The following PCDHB8 variants were observed in gnomAD, a reference collection of about 807,000 sequenced individuals.
The protein encoded by PCDHB8 is protocadherin beta 8, also known as protocadherin beta-8.
For missense variants in PCDHB8, 836 were observed against 1,004.0 expected (o/e 0.83, Z 2.26); for synonymous variants, 385 against 448.5 (o/e 0.86, Z 1.79).
In PCDHB8 at chr5:141,178,688, T is replaced by A. The variant is rs1554280990; in HGVS notation, c.654T>A (p.Gly218=). The A allele has an allele frequency of 3.1e-6, 5 of 1,608,398 alleles. No individual in the cohort carries two copies. The African/African-American group carries it at 6.7e-5, about 22-fold the overall frequency. The change falls in exon 1 of 1, where the codon GGT becomes GGA. Residue 218 remains glycine, a synonymous_variant. Coordinates refer to ENST00000239444, the MANE Select transcript of PCDHB8 (RefSeq NM_019120.5). ...GGTTAACACTCACAGCACTGGATGG[T>A]GGCTCTCCGCCCAGATCTGGCACTG... ...ELRLTLTALD[G]GSPPRSGTAQ...
In PCDHB8 at chr5:141,180,065, T is replaced by G. The variant is rs782154872; in HGVS notation, c.2031T>G (p.Ala677=). 21 of 1,609,820 alleles carry G rather than the reference T, an allele frequency of 1.3e-5. No homozygotes were observed. In the Admixed American group the frequency reaches 2.0e-4, roughly 15 times the overall value. The change falls in exon 1 of 1, where the codon GCT becomes GCG. Residue 677 remains alanine, a synonymous_variant. Coordinates refer to ENST00000239444, the MANE Select transcript of PCDHB8 (RefSeq NM_019120.5). ...AGCCCTACCTGCCGCTTCCGGAGGC[T>G]GCCCCAGCCCAGGGCCAGGCCGACT... The part of the protein sequence containing the change: ...FSQPYLPLPE[A]APAQGQADSL...
chr5:141,179,153 C>A lies in PCDHB8; in HGVS notation c.1119C>A (p.Asp373Glu), dbSNP rs782431764. ...TGGTTGCACTTTTCAGTGTTTCAGA[C>A]CTTGATTCAGGAGAAAATGGGAAAA... is the stretch of plus-strand genomic sequence containing the variant. ...ETVVALFSVS[D>E]LDSGENGKIS... The change falls in exon 1 of 1, where the codon GAC (aspartate) becomes GAA (glutamate). Residue 373 changes from aspartate to glutamate, a missense_variant. Coordinates refer to ENST00000239444, the MANE Select transcript of PCDHB8 (RefSeq NM_019120.5). 1 of 1,614,034 alleles carries A rather than the reference C, an allele frequency of 6.2e-7. No homozygotes were observed. Among genetic ancestry groups the A allele is most frequent in the Admixed American group, 1.7e-5 (1 of 59,996 alleles).
At position 141,177,995 on chromosome 5, in the gene PCDHB8, A is replaced by G. The variant is rs782499684; in HGVS notation, c.-40A>G. 1.9e-6 allele frequency: 3 copies of G among 1,613,732 alleles called. No individual in the cohort carries two copies. In the African/African-American group the frequency reaches 4.0e-5, roughly 22 times the overall value. On this transcript the variant is annotated 5_prime_UTR_variant, in exon 1 of 1. Coordinates refer to ENST00000239444, the MANE Select transcript of PCDHB8 (RefSeq NM_019120.5). Reference sequence around the variant, plus strand: ...CAGATACTGGGGACTTTACAGTCCCACAGAACCGTCCTCCCAGGAAGCTGA... The same window carrying G: ...CAGATACTGGGGACTTTACAGTCCCGCAGAACCGTCCTCCCAGGAAGCTGA...
rs17844502 is a variant in PCDHB8 at position 141,179,942 on chromosome 5, G to T, written c.1908G>T (p.Ala636=). Residue 636 remains alanine (A), a synonymous_variant, in exon 1 of 1, where the codon GCG becomes GCT. Transcript: ENST00000239444. ...CCAGGCTGCTGAGCGAGCGCGACGC[G>T]GCCAAGCAGAGGCTGGTGGTGCTGG... is the stretch of plus-strand genomic sequence containing the variant. ...RTARLLSERD[A]AKQRLVVLVK... is the part of the protein sequence containing the mutation. 23 of 1,557,548 alleles carry T rather than the reference G, an allele frequency of 1.5e-5. No homozygotes were observed. The highest frequency in any genetic ancestry group is 5.4e-5 in the African/African-American group (4 of 74,256).
chr5:141,179,378 C>A lies in PCDHB8; in HGVS notation c.1344C>A (p.Asn448Lys). Residue 448 changes from asparagine (N) to lysine (K), a missense_variant, in exon 1 of 1, where the codon AAC (asparagine) becomes AAA (lysine). Physicochemically the swap from Asn to Lys is moderately conservative, Grantham distance 94 (BLOSUM62 0). Transcript: ENST00000239444. ...TGCTGGTGTCGGACGTCAATGACAA[C>A]GCCCCCGCCTTCACCCAAACCTCCT... ...MTVLVSDVND[N>K]APAFTQTSYT... The A allele has an allele frequency of 6.2e-7, 1 of 1,614,228 alleles. No homozygotes were observed. Among genetic ancestry groups the A allele is most frequent in the African/African-American group, 1.3e-5 (1 of 75,042 alleles).
Position 141,180,412 on chromosome 5 carries a change from GC to G in PCDHB8, c.2379del (p.Phe794LeufsTer7), listed in dbSNP as rs781861006. ...GAACAAAACTCTAACTTTAGGAATG[GC>G]TTTGGTTTCAGCCTTCAGTTAAAGT... ...EMEQNSNFRN[G>X]FGFSLQLK On this transcript the variant is annotated frameshift_variant, in exon 1 of 1. Transcript: ENST00000239444. LOFTEE classifies it low-confidence loss of function (END_TRUNC). 1.6e-5 allele frequency: 26 copies of G among 1,596,718 alleles called. No individual in the cohort carries two copies. The Admixed American group carries it at 2.4e-4, about 15-fold the overall frequency.
rs782578423 is a variant in PCDHB8 at position 141,179,344 on chromosome 5, A to T, written c.1310A>T (p.Asn437Ile). 5.6e-6 allele frequency: 9 copies of T among 1,614,214 alleles called. No homozygotes were observed. The South Asian group carries it at 9.9e-5, about 18-fold the overall frequency. The change falls in exon 1 of 1, where the codon AAT becomes ATT. Residue 437 changes from asparagine to isoleucine, a missense_variant. Physicochemically the swap from Asn to Ile is moderately radical, Grantham distance 149. Transcript: ENST00000239444. ...LGTPRLTTHL[N>I]MTVLVSDVND... is the part of the protein sequence containing the mutation. Reference sequence around the variant, plus strand: ...ACACCCAGGCTGACAACACATCTCAATATGACCGTGCTGGTGTCGGACGTC... The same window carrying T: ...ACACCCAGGCTGACAACACATCTCATTATGACCGTGCTGGTGTCGGACGTC...
chr5:141,178,673 CA>C lies in PCDHB8; in HGVS notation c.640del (p.Thr214GlnfsTer45), dbSNP rs781946441. 3 of 1,610,778 alleles carry C rather than the reference CA, an allele frequency of 1.9e-6. No homozygotes were observed. The highest frequency in any genetic ancestry group is 2.5e-6 in the Non-Finnish European group (3 of 1,178,426). ...EEEAELRLTL[T>X]ALDGGSPPRS... ...AAGAAGCTGAGCTCAGGTTAACACT[CA>C]CAGCACTGGATGGTGGCTCTCCGCC... On this transcript the variant is annotated frameshift_variant, in exon 1 of 1. Coordinates refer to ENST00000239444, the MANE Select transcript of PCDHB8 (RefSeq NM_019120.5). LOFTEE classifies it low-confidence loss of function (END_TRUNC).
At position 141,179,291 on chromosome 5, in the gene PCDHB8, C is replaced by T; in HGVS notation, c.1257C>T (p.Asn419=). 5.6e-6 allele frequency: 9 copies of T among 1,614,228 alleles called. No homozygotes were observed. The highest frequency in any genetic ancestry group is 1.3e-5 in the African/African-American group (1 of 75,050). ...ACAGAGAAAGCAGAGCCGAGTACAA[C>T]GTCACTATCACCGTCACTGACTTAG... ...PLDRESRAEY[N]VTITVTDLGT... The change falls in exon 1 of 1, where the codon AAC becomes AAT. Residue 419 remains asparagine, a synonymous_variant. Coordinates refer to ENST00000239444, the MANE Select transcript of PCDHB8 (RefSeq NM_019120.5).
At position 141,178,521 on chromosome 5, in the gene PCDHB8, A is replaced by G. The variant is rs374425894; in HGVS notation, c.487A>G (p.Ile163Val). 188 of 1,614,070 alleles carry G rather than the reference A, an allele frequency of 1.2e-4. No homozygotes were observed. In the East Asian group the frequency reaches 1.3e-3, roughly 11 times the overall value. Residue 163 changes from isoleucine (I) to valine (V), a missense_variant, in exon 1 of 1, where the codon ATA becomes GTA. Transcript: ENST00000239444. ...FPLKNAEDLD[I>V]GQNNIENYII... is the part of the protein sequence containing the mutation. ...TCTGAAGAATGCTGAAGACTTAGAT[A>G]TAGGCCAAAACAATATTGAGAACTA...
chr5:141,178,777 A>T lies in PCDHB8; in HGVS notation c.743A>T (p.Tyr248Phe), dbSNP rs782331335. ...GCCCCTGAATTTGAGCAGCCTTTCT[A>T]TAGGGTGCAGATCTCTGAGGACAGT... ...DNAPEFEQPFYRVQISEDSPI... is the reference protein window; with the variant it reads ...DNAPEFEQPFFRVQISEDSPI... The change falls in exon 1 of 1, where the codon TAT (tyrosine) becomes TTT (phenylalanine). Residue 248 changes from tyrosine (Y) to phenylalanine (F), a missense_variant. Physicochemically the swap from Tyr to Phe is conservative, Grantham distance 22. Transcript: ENST00000239444. 6 of 1,613,992 alleles carry T rather than the reference A, an allele frequency of 3.7e-6. No individual in the cohort carries two copies. The East Asian group carries it at 1.3e-4, about 36-fold the overall frequency.
chr5:141,178,953 CA>C lies in PCDHB8; in HGVS notation c.921del (p.Gln307HisfsTer29), dbSNP rs781992204. 1 of 1,614,118 alleles carries C rather than the reference CA, an allele frequency of 6.2e-7. No individual in the cohort carries two copies. The highest frequency in any genetic ancestry group is 8.5e-7 in the Non-Finnish European group (1 of 1,180,054). On this transcript the variant is annotated frameshift_variant, in exon 1 of 1. Transcript: ENST00000239444. LOFTEE classifies it low-confidence loss of function (END_TRUNC). ...GACAGGAGAAATTCGACTAAAGAAA[CA>C]ACTTGATTTCGAAAAATTTCAGTCC... ...FLTGEIRLKK[Q>X]LDFEKFQSYE...
Position 141,179,026 on chromosome 5 carries a change from A to G in PCDHB8, c.992A>G (p.Lys331Arg), listed in dbSNP as rs782183609. 1.9e-6 allele frequency: 3 copies of G among 1,614,212 alleles called. No homozygotes were observed. The African/African-American group carries it at 4.0e-5, about 22-fold the overall frequency. Residue 331 changes from lysine to arginine, a missense_variant, in exon 1 of 1, where the codon AAA (lysine) becomes AGA (arginine). Coordinates refer to ENST00000239444, the MANE Select transcript of PCDHB8 (RefSeq NM_019120.5). ...EARDAGGFSG[K>R]CTVLIQVIDV... ...AGAGATGCTGGAGGCTTTTCTGGAA[A>G]ATGCACCGTTCTGATTCAAGTGATA...
In PCDHB8 at chr5:141,180,399, A is replaced by C. The variant is rs544099526; in HGVS notation, c.2365A>C (p.Asn789His). Residue 789 changes from asparagine to histidine, a missense_variant, in exon 1 of 1, where the codon AAC (asparagine) becomes CAC (histidine). Asn to His is a moderately conservative substitution (Grantham distance 68). Coordinates refer to ENST00000239444, the MANE Select transcript of PCDHB8 (RefSeq NM_019120.5). ...SFGPEMEQNS[N>H]FRNGFGFSLQ... ...TGGGCCAGAAATGGAACAAAACTCT[A>C]ACTTTAGGAATGGCTTTGGTTTCAG... The C allele has an allele frequency of 4.4e-6, 7 of 1,603,494 alleles. No individual in the cohort carries two copies. Among genetic ancestry groups the C allele is most frequent in the Non-Finnish European group, 6.0e-6 (7 of 1,171,516 alleles).
rs781894851 is a variant in PCDHB8, at chr5:141,179,966, G to T, written c.1932G>T (p.Leu644=). The T allele has an allele frequency of 1.5e-4, 245 of 1,608,682 alleles. No homozygotes were observed. The highest frequency in any genetic ancestry group is 1.9e-4 in the Non-Finnish European group (221 of 1,179,616). ...CGGCCAAGCAGAGGCTGGTGGTGCT[G>T]GTCAAGGACAATGGCGAGCCTCCGT... ...RDAAKQRLVV[L]VKDNGEPPCS... is the part of the protein sequence containing the mutation. Residue 644 remains leucine, a synonymous_variant, in exon 1 of 1, where the codon CTG becomes CTT. Coordinates refer to ENST00000239444, the MANE Select transcript of PCDHB8 (RefSeq NM_019120.5).
chr5:141,180,181 G>A lies in PCDHB8; in HGVS notation c.2147G>A (p.Arg716Lys), dbSNP rs782608867. 24 of 1,612,464 alleles carry A rather than the reference G, an allele frequency of 1.5e-5. No individual in the cohort carries two copies. The highest frequency in any genetic ancestry group is 9.3e-5 in the African/African-American group (7 of 74,874). Residue 716 changes from arginine (R) to lysine (K), a missense_variant, in exon 1 of 1, where the codon AGG (arginine) becomes AAG (lysine). By Grantham distance (26) the Arg-to-Lys change is conservative. Transcript: ENST00000239444. ...CTGTTCGTGGCGGTGCTGCTGTGTA[G>A]GAGGAGCAGGGCGGCCTCGGTGGGT... ...VLLFVAVLLC[R>K]RSRAASVGRC...
chr5:141,180,278 G>C lies in PCDHB8; in HGVS notation c.2244G>C (p.Gln748His). The change falls in exon 1 of 1, where the codon CAG (glutamine) becomes CAC (histidine). Residue 748 changes from glutamine to histidine, a missense_variant. By Grantham distance (24) the Gln-to-His change is conservative. Transcript: ENST00000239444. ...VDVRGTGSLS[Q>H]NYQYEVCLAG... The stretch of plus-strand genomic sequence containing the variant: ...TGAGGGGCACCGGGAGCCTGTCTCA[G>C]AACTATCAGTACGAGGTGTGCCTGG... The C allele has an allele frequency of 6.2e-7, 1 of 1,614,022 alleles. No homozygotes were observed. Among genetic ancestry groups the C allele is most frequent in the Non-Finnish European group, 8.5e-7 (1 of 1,179,974 alleles).
chr5:141,179,621 G>C lies in PCDHB8; in HGVS notation c.1587G>C (p.Glu529Asp), dbSNP rs1285445006. ...ACTACGAGGCCCTGCAGGCGTTCGAGTTCCGGGTGGGCGCTTCAGACCGCG... is the reference window on the plus strand; with the variant it reads ...ACTACGAGGCCCTGCAGGCGTTCGACTTCCGGGTGGGCGCTTCAGACCGCG... ...SLDYEALQAF[E>D]FRVGASDRGS... The change falls in exon 1 of 1, where the codon GAG becomes GAC. Residue 529 changes from glutamate (E) to aspartate (D), a missense_variant. Glu to Asp is a conservative substitution (Grantham distance 45). Coordinates refer to ENST00000239444, the MANE Select transcript of PCDHB8 (RefSeq NM_019120.5). 1.2e-6 allele frequency: 2 copies of C among 1,613,254 alleles called. No individual in the cohort carries two copies. Among genetic ancestry groups the C allele is most frequent in the East Asian group, 2.2e-5 (1 of 44,878 alleles).
At position 141,180,387 on chromosome 5, in the gene PCDHB8, G is replaced by C. The variant is rs1395171134; in HGVS notation, c.2353G>C (p.Glu785Gln). The C allele has an allele frequency of 6.2e-7, 1 of 1,608,882 alleles. No homozygotes were observed. Among genetic ancestry groups the C allele is most frequent in the Non-Finnish European group, 8.5e-7 (1 of 1,175,754 alleles). Residue 785 changes from glutamate to glutamine, a missense_variant, in exon 1 of 1, where the codon GAA becomes CAA. Coordinates refer to ENST00000239444, the MANE Select transcript of PCDHB8 (RefSeq NM_019120.5). ...GGGCCATTCTTTTGGGCCAGAAATG[G>C]AACAAAACTCTAACTTTAGGAATGG... ...IQGHSFGPEM[E>Q]QNSNFRNGFG...
Sources: gnomAD v4.1 joint callset for allele counts on GRCh38, gnomAD v4.1.1 for gene constraint, MANE v1.5 for transcripts, NCBI Gene and HGNC (gene_info 2026-07-23, HGNC 2026-07-21) for gene names.